The following IRAK1BP1 variants were observed in gnomAD, a reference collection of about 807,000 sequenced individuals.
IRAK1BP1 encodes the protein interleukin-1 receptor-associated kinase 1-binding protein 1.
Under a neutral mutation model 28.0 loss-of-function variants are expected in IRAK1BP1, and 24 were observed. That is an observed-to-expected ratio of 0.86 (90% CI 0.62 to 1.20). The LOEUF (loss-of-function observed/expected upper bound fraction) is 1.20, where lower values mean the gene tolerates loss of function less well. Among genes scored for constraint, IRAK1BP1 ranks in the 50% most tolerant of loss-of-function variants. The pLI is 0.00. For synonymous variants in IRAK1BP1, 131 were observed against 116.3 expected (o/e 1.13, Z -0.81); for missense variants, 336 against 316.7 (o/e 1.06, Z -0.46).
chr6:78,950,819 T>C (rs569333069), downstream of IRAK1BP1, among the ~76,000 whole-genome samples: 2 of 119,948 alleles, frequency 1.7e-5, no homozygotes, highest in Non-Finnish European at 3.6e-5. Context: ...ATTTTCTTTA[T>C]TGTTTTTCTT....
chr6:78,900,865 G>A lies in IRAK1BP1; in HGVS notation c.*2531G>A, dbSNP rs553342958. On this transcript the variant is annotated 3_prime_UTR_variant, in exon 4 of 4. Transcript: ENST00000369940. ...TAGTAGCTGATATATCAGCTGCATT[G>A]TTTGATTATTGTTGGCTCAATTAAA... 3.3e-5 allele frequency: 5 copies of A among 152,234 alleles called. No individual in the cohort carries two copies. In the South Asian group the frequency reaches 1.0e-3, roughly 32 times the overall value. The allele number at this position is 152,234 out of a possible 1,614,324, so 9.4% of individuals were successfully genotyped here.
the IRAK1BP1 span, among the ~76,000 whole-genome samples, chr6:78,977,671 C>G: frequency 6.6e-6 from 1 of 152,030 alleles, no homozygotes. Context: ...CTTTTCTGGC[C>G]ATGTTGAAAT....
At chr6:78,941,979 T>G (rs1773525682) in intron 4 of IRAK1BP1, among the ~76,000 whole-genome samples, 1 of 152,118 alleles carries the variant, frequency 6.6e-6, no homozygotes, top group African/African-American at 2.4e-5. Context: ...AAAAATGCTA[T>G]AACTTAGATA....
the IRAK1BP1 span, chr6:78,955,533 C>A: frequency 3.4e-6 from 2 of 590,156 alleles, no homozygotes; most frequent in Non-Finnish European, 3.0e-6. Context: ...TTCACAACAG[C>A]TTTTACCTGA....
chr6:78,946,900 A>G (rs746569362), downstream of IRAK1BP1: 1 of 1,502,132 alleles, frequency 6.7e-7, no homozygotes, highest in East Asian at 2.5e-5. Context: ...AAAAGTGTTC[A>G]ACCATTCCTT....
chr6:78,868,789 G>A (rs1770685626), intron 1 of IRAK1BP1, among the ~76,000 whole-genome samples: 1 of 152,164 alleles, frequency 6.6e-6, no homozygotes, highest in Admixed American at 6.5e-5. Flanking sequence ...TAATTAGAAT[G>A]AAAGAAAATT....
At chr6:78,941,338 G>A in intron 4 of IRAK1BP1, 2 of 1,605,864 alleles carry the variant, frequency 1.2e-6, no homozygotes, top group Non-Finnish European at 1.7e-6. Flanking sequence ...CTCCTAAAAG[G>A]GAACAACAGT....
rs1331764672 is a variant in IRAK1BP1 at position 78,901,778 on chromosome 6, CTTAT to C, written c.*3447_*3450del. 2 of 152,016 alleles carry C rather than the reference CTTAT, an allele frequency of 1.3e-5. No homozygotes were observed. The highest frequency in any genetic ancestry group is 6.6e-5 in the Admixed American group (1 of 15,244). The allele number at this position is 152,016 out of a possible 1,614,324, so 9.4% of individuals were successfully genotyped here. ...GTGGCAATGTACTTTTATCAGTATT[CTTAT>C]TTGACGGTCAATTTGAGTTCAGTGT... is the stretch of plus-strand genomic sequence containing the variant. On this transcript the variant is annotated 3_prime_UTR_variant, in exon 4 of 4. Coordinates refer to ENST00000369940, the MANE Select transcript of IRAK1BP1 (RefSeq NM_001010844.4).
At chr6:78,953,555 C>T in the IRAK1BP1 span, among the ~76,000 whole-genome samples, 3 of 152,062 alleles carry the variant, frequency 2.0e-5, no homozygotes, top group African/African-American at 7.2e-5. Context: ...CAGCTCAGTC[C>T]CAGGTTTTTT....
chr6:78,947,710 C>T, downstream of IRAK1BP1: 1 of 1,590,080 alleles, frequency 6.3e-7, no homozygotes. Flanking sequence ...ACTCATAATT[C>T]CCAGCCTCTA....
the IRAK1BP1 span, among the ~76,000 whole-genome samples, chr6:78,969,083 G>A: frequency 6.6e-5 from 10 of 152,274 alleles, no homozygotes; most frequent in East Asian, 1.7e-3. Context: ...AAAACTTCTA[G>A]GGAAATGGAA....
chr6:78,892,149 A>T (rs1771686072), intron 2 of IRAK1BP1, among the ~76,000 whole-genome samples: 1 of 152,122 alleles, frequency 6.6e-6, no homozygotes, highest in Non-Finnish European at 1.5e-5. Context: ...TTTCATATTG[A>T]TGCTACTTTT....
chr6:78,903,223 G>A, downstream of IRAK1BP1: 1 of 564,878 alleles, frequency 1.8e-6, no homozygotes, highest in Non-Finnish European at 3.0e-6. Context: ...TGGCTCACAT[G>A]TGTAATCCCA....
At chr6:78,916,064 G>A (rs1772551570) in intron 4 of IRAK1BP1, among the ~76,000 whole-genome samples, 1 of 152,194 alleles carries the variant, frequency 6.6e-6, no homozygotes, top group Admixed American at 6.5e-5. Flanking sequence ...GGAGCAAGCA[G>A]CTCAAGGGCC....
At chr6:78,949,711 A>G (rs1210497193), downstream of IRAK1BP1, among the ~76,000 whole-genome samples, 6 of 150,668 alleles carry the variant, frequency 4.0e-5, no homozygotes, top group Non-Finnish European at 7.4e-5. Context: ...TGTTAATGAG[A>G]TAGGGTCTCA....
At chr6:78,885,864 A>T (rs1771413914) in intron 2 of IRAK1BP1, among the ~76,000 whole-genome samples, 1 of 152,210 alleles carries the variant, frequency 6.6e-6, no homozygotes, top group African/African-American at 2.4e-5. Flanking sequence ...AAACCATTCA[A>T]CCTTTATACA....
chr6:78,947,953 C>CT (rs1285606508), downstream of IRAK1BP1, among the ~76,000 whole-genome samples: 1 of 151,468 alleles, frequency 6.6e-6, no homozygotes, highest in Non-Finnish European at 1.5e-5. Context: ...TTTCATACTC[C>CT]CCCCCCTTAT....
intron 2 of IRAK1BP1, among the ~76,000 whole-genome samples, chr6:78,895,207 C>T (rs1771836212): frequency 6.6e-6 from 1 of 151,836 alleles, no homozygotes; most frequent in Non-Finnish European, 1.5e-5. Flanking sequence ...AGGAAAATCC[C>T]CCAAATATGC....
intron 4 of IRAK1BP1, among the ~76,000 whole-genome samples, chr6:78,918,578 T>TAAAAAAAAAAAAAA (rs58669467): frequency 3.0e-5 from 2 of 66,780 alleles, no homozygotes; most frequent in Non-Finnish European, 5.2e-5. Context: ...CCAAAAACAG[T>TAAAAAAAAAAAAAA]AAAAAAAAAA....
Sources: gnomAD v4.1 joint callset for allele counts (sites outside exome capture counted in the v4.1 genomes callset) on GRCh38, gnomAD v4.1.1 for gene constraint, MANE v1.5 for transcripts, NCBI Gene and HGNC (gene_info 2026-07-23, HGNC 2026-07-21) for gene names.